The following GRID2 variants were observed in gnomAD, a reference collection of about 807,000 sequenced individuals.
GRID2 encodes glutamate receptor ionotropic, delta-2.
Under a neutral mutation model 114.8 loss-of-function variants are expected in GRID2, and 33 were observed. The ratio of observed to expected loss-of-function variants is 0.29; its 90% CI spans 0.22 to 0.38. The LOEUF (loss-of-function observed/expected upper bound fraction) is 0.38. Ranked by LOEUF, GRID2 falls within the 10% of genes least tolerant of loss-of-function variation. The pLI, the probability that GRID2 is intolerant of heterozygous loss-of-function variation, is 1.00. For missense variants in GRID2, 1,184 were observed against 1,257.7 expected (o/e 0.94, Z 0.89); for synonymous variants, 505 against 449.9 (o/e 1.12, Z -1.55).
At chr4:93,048,677 T>A (rs967741249) in intron 2 of GRID2, among the ~76,000 whole-genome samples, 1 of 151,994 alleles carries the variant, frequency 6.6e-6, no homozygotes, top group Non-Finnish European at 1.5e-5. Context: ...GTACATAGGA[T>A]AAAGGAGATA....
chr4:93,601,214 T>A (rs58107339), intron 13 of GRID2, among the ~76,000 whole-genome samples: 9,440 of 152,200 alleles, frequency 0.062, 496 homozygotes, highest in African/African-American at 0.14. Context: ...AAATATAGCA[T>A]GATTATGGTT....
intron 14 of GRID2, among the ~76,000 whole-genome samples, chr4:93,750,315 G>C (rs1032448651): frequency 1.2e-4 from 18 of 152,162 alleles, no homozygotes; most frequent in African/African-American, 4.3e-4. Flanking sequence ...ATCCCCTTGG[G>C]AAAGTGCTGT....
intron 1 of GRID2, among the ~76,000 whole-genome samples, chr4:92,438,818 T>C (rs1216221010): frequency 1.3e-5 from 2 of 152,218 alleles, no homozygotes; most frequent in African/African-American, 4.8e-5. Flanking sequence ...CTTATTCTTT[T>C]ACCAATGTCC....
intron 1 of GRID2, among the ~76,000 whole-genome samples, chr4:92,474,027 G>T (rs188120394): frequency 1.1e-3 from 159 of 150,276 alleles, no homozygotes; most frequent in African/African-American, 3.7e-3. Flanking sequence ...GACAACAACT[G>T]AGAACTTAAG....
Position 93,351,082 on chromosome 4 carries a change from C to T in GRID2, c.1246-44525C>T, listed in dbSNP as rs559072776. 4.6e-5 allele frequency among the ~76,000 whole-genome samples: 7 copies of T among 152,112 alleles called. No individual in the cohort carries two copies. In the South Asian group the frequency reaches 8.3e-4, roughly 18 times the overall value. On this transcript the variant is annotated intron_variant, in intron 8 of 15. Transcript: ENST00000282020. ...CAAGAACAGTATGAGATAAACTGCC[C>T]TCATGATTCAATGTTCCACCTGTCC...
chr4:92,522,721 A>C (rs906976850), intron 1 of GRID2, among the ~76,000 whole-genome samples: 11 of 151,938 alleles, frequency 7.2e-5, no homozygotes, highest in African/African-American at 2.2e-4. Context: ...AGATAACTTC[A>C]AGTTTTGGGG....
At chr4:93,267,853 C>T (rs1041652441) in intron 8 of GRID2, among the ~76,000 whole-genome samples, 1 of 152,158 alleles carries the variant, frequency 6.6e-6, no homozygotes, top group African/African-American at 2.4e-5. Context: ...TCCCATACAG[C>T]CCTCTCTGAG....
intron 13 of GRID2, among the ~76,000 whole-genome samples, chr4:93,595,801 T>G (rs1739021962): frequency 6.6e-6 from 1 of 152,234 alleles, no homozygotes; most frequent in South Asian, 2.1e-4. Flanking sequence ...TGTGTAAAGA[T>G]CATATAGAAT....
chr4:92,485,730 T>C (rs1722855106), intron 1 of GRID2, among the ~76,000 whole-genome samples: 1 of 151,740 alleles, frequency 6.6e-6, no homozygotes, highest in Non-Finnish European at 1.5e-5. Context: ...AAAAACAATT[T>C]GCAAAAATAT....
At chr4:92,843,166 A>G (rs1460071865) in intron 2 of GRID2, among the ~76,000 whole-genome samples, 2 of 151,944 alleles carry the variant, frequency 1.3e-5, no homozygotes, top group Non-Finnish European at 2.9e-5. Flanking sequence ...CGCTTGAACC[A>G]GGGAGGTAGA....
intron 2 of GRID2, among the ~76,000 whole-genome samples, chr4:93,013,265 T>C (rs1348615783): frequency 6.6e-6 from 1 of 151,942 alleles, no homozygotes; most frequent in Non-Finnish European, 1.5e-5. Context: ...TGGATGATTA[T>C]TTAAGAGTTT....
At chr4:92,493,447 C>A (rs1723244034) in intron 1 of GRID2, among the ~76,000 whole-genome samples, 1 of 152,110 alleles carries the variant, frequency 6.6e-6, no homozygotes. Flanking sequence ...TCATAAAATT[C>A]TAAAGCTACT....
chr4:92,744,699 A>C (rs1737063352), intron 2 of GRID2, among the ~76,000 whole-genome samples: 1 of 152,000 alleles, frequency 6.6e-6, no homozygotes, highest in Non-Finnish European at 1.5e-5. Context: ...CTTAATTTGA[A>C]AATCTATTAC....
chr4:92,803,862 G>A (rs1198728500), intron 2 of GRID2, among the ~76,000 whole-genome samples: 2 of 151,960 alleles, frequency 1.3e-5, no homozygotes, highest in African/African-American at 4.8e-5. Context: ...TCTCAGTTCT[G>A]GAGGCAAGAA....
intron 2 of GRID2, among the ~76,000 whole-genome samples, chr4:92,931,055 A>G (rs527635283): frequency 2.0e-5 from 3 of 151,084 alleles, no homozygotes; most frequent in South Asian, 2.1e-4. Flanking sequence ...TGATAAAGAC[A>G]TAACAAAGAA....
At chr4:92,504,071 T>C (rs984171163) in intron 1 of GRID2, among the ~76,000 whole-genome samples, 2 of 152,086 alleles carry the variant, frequency 1.3e-5, no homozygotes, top group East Asian at 1.9e-4. Context: ...CAGACCATAA[T>C]TGATGGATGA....
At position 92,492,031 on chromosome 4, in the gene GRID2, C is replaced by T. The variant is rs145271671; in HGVS notation, c.89-98100C>T. ...CTGACATCAGTCTATTCCCAGAATC[C>T]GAATCTTTAGTCATTCATAAGCTTG... On this transcript the variant is annotated intron_variant, in intron 1 of 15. Transcript: ENST00000282020. 8.9e-4 allele frequency among the ~76,000 whole-genome samples: 135 copies of T among 152,118 alleles called. 1 individual carries two copies. Among genetic ancestry groups the T allele is most frequent in the African/African-American group, 3.0e-3 (125 of 41,516 alleles).
intron 8 of GRID2, among the ~76,000 whole-genome samples, chr4:93,380,044 G>GT (rs1183832265): frequency 3.9e-5 from 6 of 152,046 alleles, no homozygotes; most frequent in African/African-American, 1.2e-4. Context: ...AAAACAAAAA[G>GT]TATGTCCATG....
chr4:92,967,162 A>ATAAATGTC (rs1753208261), intron 2 of GRID2, among the ~76,000 whole-genome samples: 1 of 151,942 alleles, frequency 6.6e-6, no homozygotes, highest in Non-Finnish European at 1.5e-5. Context: ...TCTCCCTCTA[A>ATAAATGTC]TAAATGTCTA....
Sources: gnomAD v4.1 joint callset for allele counts (sites outside exome capture counted in the v4.1 genomes callset) on GRCh38, gnomAD v4.1.1 for gene constraint, MANE v1.5 for transcripts, NCBI Gene and HGNC (gene_info 2026-07-23, HGNC 2026-07-21) for gene names.